The following ZKSCAN4 variants were observed in gnomAD, a reference collection of about 807,000 sequenced individuals.
ZKSCAN4 encodes zinc finger with KRAB and SCAN domains 4.
In ZKSCAN4, 23 loss-of-function variants were observed where a neutral mutation model predicts 30.8. That is an observed-to-expected ratio of 0.75 (90% CI 0.54 to 1.06). ZKSCAN4 has a LOEUF of 1.06. ZKSCAN4 is among the 50% of genes least tolerant of loss of function. ZKSCAN4 has a pLI of 0.00. For missense variants in ZKSCAN4, 556 were observed against 665.4 expected (o/e 0.84, Z 1.81); for synonymous variants, 208 against 252.5 (o/e 0.82, Z 1.67).
chr6:28,242,500 G>A lies in ZKSCAN4; in HGVS notation c.*2616C>T, dbSNP rs1760531398. On this transcript the variant is annotated 3_prime_UTR_variant, in exon 5 of 5. Coordinates refer to ENST00000377294, the MANE Select transcript of ZKSCAN4 (RefSeq NM_019110.5). ...TAAACTTTTTGCTCTGGCACTGAAG[G>A]CCCCTACAATGTCCCTATCTCTTAA... 6.6e-6 allele frequency among the ~76,000 whole-genome samples: 1 copy of A among 152,140 alleles called. No homozygotes were observed. The highest frequency in any genetic ancestry group is 6.5e-5 in the Admixed American group (1 of 15,268).
chr6:28,250,995 G>C lies in ZKSCAN4; in HGVS notation c.423+563C>G, dbSNP rs76839882. On this transcript the variant is annotated intron_variant, in intron 1 of 4. Transcript: ENST00000377294. ...GTAAAAATAGGCCCACTTTCTACCA[G>C]AGGTTCATAACCAGTGGTCCATGGA... 2.1e-3 allele frequency among the ~76,000 whole-genome samples: 325 copies of C among 152,336 alleles called. 2 individuals are homozygous for C. The highest frequency in any genetic ancestry group is 7.0e-3 in the African/African-American group (289 of 41,574).
the ZKSCAN4 span, among the ~76,000 whole-genome samples, chr6:28,257,554 T>C: frequency 2.0e-5 from 3 of 151,024 alleles, no homozygotes; most frequent in Non-Finnish European, 3.0e-5. Flanking sequence ...TAATAAAAAT[T>C]AAAAAAAAAC....
chr6:28,253,944 G>A (rs1248946529), upstream of ZKSCAN4, among the ~76,000 whole-genome samples: 6 of 152,270 alleles, frequency 3.9e-5, no homozygotes, highest in East Asian at 5.8e-4. The surrounding 1 kb of genome is among the most constrained non-coding windows in gnomAD (Gnocchi z 4.2). Flanking sequence ...GAGCCACCAC[G>A]CCTGGCCAAC....
rs1456107482 is a variant in ZKSCAN4 at position 28,247,060 on chromosome 6, G to A, written c.687C>T (p.Thr229=). The change falls in exon 4 of 5, where the codon ACC becomes ACT. Residue 229 remains threonine (T), a synonymous_variant. Transcript: ENST00000377294. ...CCAGCTGTGTCCACCCAGGAGTGAG[G>A]GTCAGGGCCACATCTTCCATTTTCA... is the stretch of plus-strand genomic sequence containing the variant. ...GLLKMEDVAL[T]LTPGWTQLDS... 3 of 1,611,164 alleles carry A rather than the reference G, an allele frequency of 1.9e-6. No homozygotes were observed. The highest frequency in any genetic ancestry group is 2.5e-6 in the Non-Finnish European group (3 of 1,178,770).
In ZKSCAN4 at chr6:28,246,162, T is replaced by A. The variant is rs1760724884; in HGVS notation, c.779-187A>T. 1.1e-5 allele frequency: 8 copies of A among 736,146 alleles called. No individual in the cohort carries two copies. The Admixed American group carries it at 2.0e-4, about 19-fold the overall frequency. The allele number at this position is 736,146 out of a possible 1,614,324, so 45.6% of individuals were successfully genotyped here. On this transcript the variant is annotated intron_variant, in intron 4 of 4. Coordinates refer to ENST00000377294, the MANE Select transcript of ZKSCAN4 (RefSeq NM_019110.5). Reference sequence around the variant, plus strand: ...GCTGGGGAGGAAGGAGGCCTGAGAATGAGAATGGGGCCATTGGAAGGGTAC... The same window carrying A: ...GCTGGGGAGGAAGGAGGCCTGAGAAAGAGAATGGGGCCATTGGAAGGGTAC...
Position 28,251,812 on chromosome 6 carries a change from G to C in ZKSCAN4, c.169C>G (p.Arg57Gly). 1.9e-6 allele frequency: 3 copies of C among 1,612,928 alleles called. No homozygotes were observed. The highest frequency in any genetic ancestry group is 2.5e-6 in the Non-Finnish European group (3 of 1,179,224). Residue 57 changes from arginine to glycine, a missense_variant, in exon 1 of 5, where the codon CGA becomes GGA. Around this residue, in one of 3 missense-constraint regions of ZKSCAN4, gnomAD observed 115 missense variants for 125.9 expected, o/e 0.91. Transcript: ENST00000377294. The surrounding 1 kb of genome is among the most constrained non-coding windows in gnomAD (Gnocchi z 4.5). The stretch of plus-strand genomic sequence containing the variant: ...GCAGCCTCCGGGTAGCGGAAGCCTC[G>C]GAAGCGCTGGCGGGAGCGTTCGGGG... ...RGPERSRQRF[R>G]GFRYPEAAGP...
At position 28,249,641 on chromosome 6, in the gene ZKSCAN4, T is replaced by A. The variant is rs750750824; in HGVS notation, c.571+46A>T. ...CTTTTAGGTGATCCTTAAATGAAATTGGATGAAGTCTATAGAATTCATACA... is the reference window on the plus strand; with the variant it reads ...CTTTTAGGTGATCCTTAAATGAAATAGGATGAAGTCTATAGAATTCATACA... On this transcript the variant is annotated intron_variant, in intron 2 of 4. Transcript: ENST00000377294. The surrounding 1 kb of genome is among the most constrained non-coding windows in gnomAD (Gnocchi z 4.1). 2 of 1,583,534 alleles carry A rather than the reference T, an allele frequency of 1.3e-6. No homozygotes were observed. The highest frequency in any genetic ancestry group is 1.1e-5 in the South Asian group (1 of 87,218).
chr6:28,246,078 C>A, intron 4 of ZKSCAN4, 103 bp from the exon 5 acceptor site: 1 of 1,472,154 alleles, frequency 6.8e-7, no homozygotes. Context: ...TCTATATATG[C>A]CCAGGATGAG....
intron 1 of ZKSCAN4, among the ~76,000 whole-genome samples, chr6:28,250,259 G>A (rs144273625): frequency 1.9e-3 from 296 of 152,230 alleles, no homozygotes; most frequent in African/African-American, 6.5e-3. Context: ...AGTAGAGACC[G>A]GGTTTCTCCA....
In ZKSCAN4 at chr6:28,245,500, G is replaced by A. The variant is rs756846917; in HGVS notation, c.1254C>T (p.Ser418=). Residue 418 remains serine (S), a synonymous_variant, in exon 5 of 5, where the codon AGC becomes AGT. Transcript: ENST00000377294. ...DCGKTFSQSC[S]LLEHHKIHTG... ...TATGAATTTTGTGATGTTCAAGGAG[G>A]CTGCAGCTCTGGCTGAAGGTCTTCC... 6.2e-7 allele frequency: 1 copy of A among 1,614,224 alleles called. No individual in the cohort carries two copies. The highest frequency in any genetic ancestry group is 8.5e-7 in the Non-Finnish European group (1 of 1,180,036).
chr6:28,249,114 G>A lies in ZKSCAN4; in HGVS notation c.571+573C>T, dbSNP rs1429119311. ...CGGCCCAGATGTTCACAGCAGATGA[G>A]GAACAGCATGGAACACACAGCTGCT... On this transcript the variant is annotated intron_variant, in intron 2 of 4. Coordinates refer to ENST00000377294, the MANE Select transcript of ZKSCAN4 (RefSeq NM_019110.5). This position sits in a 1 kb window ranked among gnomAD's most constrained non-coding sequence, Gnocchi z 4.1. 1.3e-5 allele frequency among the ~76,000 whole-genome samples: 2 copies of A among 152,152 alleles called. No homozygotes were observed. Among genetic ancestry groups the A allele is most frequent in the Non-Finnish European group, 2.9e-5 (2 of 68,034 alleles).
chr6:28,249,862 C>T lies in ZKSCAN4; in HGVS notation c.424-28G>A, dbSNP rs201880543. ...AGAAGTCACGATTTTTAGTTATCTA[C>T]CCAACATTTCTATGTTTTCCATGTG... is the stretch of plus-strand genomic sequence containing the variant. On this transcript the variant is annotated intron_variant, in intron 1 of 4. Transcript: ENST00000377294. The surrounding 1 kb of genome is among the most constrained non-coding windows in gnomAD (Gnocchi z 4.1). The T allele has an allele frequency of 2.5e-6, 4 of 1,610,888 alleles. No homozygotes were observed. The highest frequency in any genetic ancestry group is 2.7e-5 in the African/African-American group (2 of 74,786).
At chr6:28,250,071 GT>G (rs374027640) in intron 1 of ZKSCAN4, among the ~76,000 whole-genome samples, 55 of 139,572 alleles carry the variant, frequency 3.9e-4, no homozygotes, top group South Asian at 4.6e-4. Flanking sequence ...TGGTTTTTTT[GT>G]TTTTTTTTTT....
In ZKSCAN4 at chr6:28,249,493, A is replaced by G. The variant is rs1303182595; in HGVS notation, c.571+194T>C. On this transcript the variant is annotated intron_variant, in intron 2 of 4. Coordinates refer to ENST00000377294, the MANE Select transcript of ZKSCAN4 (RefSeq NM_019110.5). The surrounding 1 kb of genome is among the most constrained non-coding windows in gnomAD (Gnocchi z 4.1). Reference sequence around the variant, plus strand: ...TCTTTCTAGACATCAATTTTAATAAAATCAGATTTACTATGTCCTAGTTTG... The same window carrying G: ...TCTTTCTAGACATCAATTTTAATAAGATCAGATTTACTATGTCCTAGTTTG... Among the ~76,000 whole-genome samples the G allele has an allele frequency of 6.6e-6, 1 of 152,152 alleles. No homozygotes were observed. The highest frequency in any genetic ancestry group is 1.9e-4 in the East Asian group (1 of 5,198).
chr6:28,257,554 T>TA, the ZKSCAN4 span, among the ~76,000 whole-genome samples: 103 of 151,128 alleles, frequency 6.8e-4, 1 homozygote, highest in Admixed American at 3.0e-3. Context: ...TAATAAAAAT[T>TA]AAAAAAAAAC....
chr6:28,250,858 A>G (rs1199577805), intron 1 of ZKSCAN4, among the ~76,000 whole-genome samples: 1 of 152,078 alleles, frequency 6.6e-6, no homozygotes, highest in African/African-American at 2.4e-5. Flanking sequence ...CTTGGTATCC[A>G]GCTCACCAGT....
chr6:28,246,396 G>A (rs1481119551), intron 4 of ZKSCAN4, among the ~76,000 whole-genome samples: 1 of 143,938 alleles, frequency 6.9e-6, no homozygotes, highest in East Asian at 2.0e-4. Flanking sequence ...GGTGACTGGT[G>A]ATCGATCAAT....
upstream of ZKSCAN4, among the ~76,000 whole-genome samples, chr6:28,252,710 T>C (rs1761061822): frequency 6.6e-6 from 1 of 151,866 alleles, no homozygotes; most frequent in Non-Finnish European, 1.5e-5. Flanking sequence ...CTGTCACTTT[T>C]TTTCCTCCTC....
In ZKSCAN4 at chr6:28,245,071, A is replaced by G; in HGVS notation, c.*45T>C. ...CCATTAAGGGCTCCAGGGTGGCTTC[A>G]GTTCAGTGACAAATGAGCACCAATG... On this transcript the variant is annotated 3_prime_UTR_variant, in exon 5 of 5. Coordinates refer to ENST00000377294, the MANE Select transcript of ZKSCAN4 (RefSeq NM_019110.5). The G allele has an allele frequency of 1.2e-6, 2 of 1,613,834 alleles. No individual in the cohort carries two copies. Among genetic ancestry groups the G allele is most frequent in the Non-Finnish European group, 1.7e-6 (2 of 1,179,874 alleles).
Sources: allele counts gnomAD v4.1 joint callset (sites outside exome capture counted in the v4.1 genomes callset), GRCh38; gene constraint gnomAD v4.1.1; regional missense constraint gnomAD v4.1.1; non-coding constraint Gnocchi (gnomAD v3.1); transcripts MANE v1.5; gene names NCBI Gene and HGNC (gene_info 2026-07-23, HGNC 2026-07-21).